The following RAPGEF5 variants were observed in gnomAD, a reference collection of about 807,000 sequenced individuals.
RAPGEF5 encodes M-Ras-regulated GEF.
In RAPGEF5, 65 loss-of-function variants were observed where a neutral mutation model predicts 125.2. The observed-to-expected ratio is 0.52, with a 90% confidence interval of 0.43 to 0.64. RAPGEF5 has a LOEUF of 0.64. Ranked by LOEUF, RAPGEF5 falls within the 30% of genes least tolerant of loss-of-function variation. The probability of loss-of-function intolerance (pLI) is 0.00; values close to 1 mark genes in which losing one functional copy is unlikely to be tolerated. For missense variants in RAPGEF5, 958 were observed against 1,048.1 expected (o/e 0.91, Z 1.19); for synonymous variants, 391 against 385.9 (o/e 1.01, Z -0.16).
rs1243060697 is a variant in RAPGEF5, at chr7:22,314,566, C to T, written c.389+804G>A. On this transcript the variant is annotated intron_variant, in intron 3 of 25. Transcript: ENST00000665637. ...AAAGGAATATCCTTTATTCTGAGAA[C>T]TTCCTACTTTTTGGGTGTCATGAAT... is the stretch of plus-strand genomic sequence containing the variant. 6 of 909,588 alleles carry T rather than the reference C, an allele frequency of 6.6e-6. No homozygotes were observed. The East Asian group carries it at 5.9e-4, about 90-fold the overall frequency. The allele number at this position is 909,588 out of a possible 1,614,324, so 56.3% of individuals were successfully genotyped here.
chr7:22,327,355 C>G lies in RAPGEF5; in HGVS notation c.232-9318G>C, dbSNP rs375625985. Among the ~76,000 whole-genome samples, 7 of 152,246 alleles carry G rather than the reference C, an allele frequency of 4.6e-5. 1 individual carries two copies. In the East Asian group the frequency reaches 1.2e-3, roughly 25 times the overall value. ...GATTCTTATTTACATTTGAATTTCCCCTGATTCATTACATGAATCTTAAAG... is the reference window on the plus strand; with the variant it reads ...GATTCTTATTTACATTTGAATTTCCGCTGATTCATTACATGAATCTTAAAG... On this transcript the variant is annotated intron_variant, in intron 1 of 25. Coordinates refer to ENST00000665637, the MANE Select transcript of RAPGEF5 (RefSeq NM_012294.5).
At chr7:22,271,626 C>T (rs980551009) in intron 6 of RAPGEF5, among the ~76,000 whole-genome samples, 6 of 152,180 alleles carry the variant, frequency 3.9e-5, no homozygotes, top group African/African-American at 1.4e-4. Flanking sequence ...TTGCAGCTGA[C>T]AGTTATATTT....
chr7:22,341,678 T>C (rs1475676761), intron 1 of RAPGEF5, among the ~76,000 whole-genome samples: 1 of 152,208 alleles, frequency 6.6e-6, no homozygotes. Context: ...CTACAGGCCC[T>C]GTATCAGTCC....
chr7:22,173,833 T>C (rs1784423975), intron 11 of RAPGEF5, among the ~76,000 whole-genome samples: 1 of 55,010 alleles, frequency 1.8e-5, no homozygotes, highest in Non-Finnish European at 3.4e-5. Context: ...AGCGGCCTCA[T>C]AGCTCCTGTT....
chr7:22,348,092 C>T (rs772916769), intron 1 of RAPGEF5, among the ~76,000 whole-genome samples: 1 of 152,156 alleles, frequency 6.6e-6, no homozygotes, highest in South Asian at 2.1e-4. Flanking sequence ...TAGAGAAGCA[C>T]TTTCTAACCA....
At chr7:22,312,150 G>C (rs142708821) in intron 3 of RAPGEF5, among the ~76,000 whole-genome samples, 2 of 152,012 alleles carry the variant, frequency 1.3e-5, no homozygotes, top group East Asian at 3.9e-4. Flanking sequence ...TCACCTGGGT[G>C]ATCTTCTTAA....
chr7:22,284,888 A>T (rs571305499), intron 6 of RAPGEF5, among the ~76,000 whole-genome samples: 1 of 152,332 alleles, frequency 6.6e-6, no homozygotes, highest in East Asian at 1.9e-4. Flanking sequence ...TCATCACTCA[A>T]TTGTGCTTAT....
intron 8 of RAPGEF5, among the ~76,000 whole-genome samples, chr7:22,223,412 C>T (rs17146451): frequency 0.022 from 3,399 of 152,270 alleles, 133 homozygotes; most frequent in African/African-American, 0.077. Flanking sequence ...GCTTTATTAA[C>T]GTGAGTTCAA....
At chr7:22,197,870 T>C (rs1016858544) in intron 9 of RAPGEF5, among the ~76,000 whole-genome samples, 1 of 135,968 alleles carries the variant, frequency 7.4e-6, no homozygotes, top group Admixed American at 7.8e-5. Context: ...AGCAACACAT[T>C]AAATCTCTTT....
At chr7:22,203,903 G>A (rs1255326701) in intron 9 of RAPGEF5, among the ~76,000 whole-genome samples, 2 of 152,148 alleles carry the variant, frequency 1.3e-5, no homozygotes, top group Admixed American at 1.3e-4. Flanking sequence ...ATCTAAATTA[G>A]ATCCTTAAGC....
At chr7:22,172,412 C>A (rs1022119755) in intron 11 of RAPGEF5, among the ~76,000 whole-genome samples, 2 of 152,130 alleles carry the variant, frequency 1.3e-5, no homozygotes, top group Non-Finnish European at 2.9e-5. Flanking sequence ...GTATAAGCCA[C>A]CGTGCCCGGC....
rs1782893776 is a variant in RAPGEF5 at position 22,130,862 on chromosome 7, G to T, written c.2481+175C>A. 1.7e-5 allele frequency: 14 copies of T among 802,088 alleles called. No homozygotes were observed. In the South Asian group the frequency reaches 2.4e-4, roughly 13 times the overall value. 49.7% of individuals were successfully genotyped at this position (802,088 alleles called of 1,614,324 possible). A position where few individuals can be genotyped will look rare whatever the true frequency, so the allele number is the denominator to read the frequency against. On this transcript the variant is annotated intron_variant, in intron 24 of 25. Coordinates refer to ENST00000665637, the MANE Select transcript of RAPGEF5 (RefSeq NM_012294.5). ...CTTGTTGTTAATTGGAATACATTTT[G>T]TTGGCAGCGTACAACATGCAGCAAA...
intron 8 of RAPGEF5, among the ~76,000 whole-genome samples, chr7:22,229,379 A>G (rs946647363): frequency 1.3e-5 from 2 of 152,196 alleles, no homozygotes; most frequent in African/African-American, 4.8e-5. Flanking sequence ...CCACGGTAAC[A>G]TATTTCATCA....
At chr7:22,185,134 A>T (rs1430192245) in intron 11 of RAPGEF5, among the ~76,000 whole-genome samples, 1 of 152,178 alleles carries the variant, frequency 6.6e-6, no homozygotes, top group Non-Finnish European at 1.5e-5. Flanking sequence ...CCATGATTCC[A>T]GTCTCTAGCA....
At chr7:22,328,409 C>A (rs915417982) in intron 1 of RAPGEF5, among the ~76,000 whole-genome samples, 2 of 152,206 alleles carry the variant, frequency 1.3e-5, no homozygotes, top group African/African-American at 2.4e-5. Flanking sequence ...TTCTTGGGAC[C>A]AGAGTCCTTT....
At chr7:22,302,533 C>T (rs1783232741) in intron 5 of RAPGEF5, among the ~76,000 whole-genome samples, 3 of 152,154 alleles carry the variant, frequency 2.0e-5, no homozygotes, top group African/African-American at 7.2e-5. Context: ...TGCCTATCCA[C>T]TCGCAAGACC....
chr7:22,145,579 G>T (rs1783408947), intron 19 of RAPGEF5, among the ~76,000 whole-genome samples: 2 of 152,182 alleles, frequency 1.3e-5, no homozygotes, highest in Non-Finnish European at 2.9e-5. Context: ...AGTAGTACTA[G>T]TATTTGTTAA....
chr7:22,180,139 G>T (rs1328465923), intron 11 of RAPGEF5, among the ~76,000 whole-genome samples: 1 of 152,178 alleles, frequency 6.6e-6, no homozygotes, highest in East Asian at 1.9e-4. Flanking sequence ...AACATAGTAT[G>T]TCCATATTTC....
chr7:22,234,409 C>A (rs1157389909), intron 7 of RAPGEF5, among the ~76,000 whole-genome samples: 1 of 152,094 alleles, frequency 6.6e-6, no homozygotes, highest in Non-Finnish European at 1.5e-5. Context: ...CAGCGAAACA[C>A]GTACACAGGA....
Sources: gnomAD v4.1 joint callset for allele counts (sites outside exome capture counted in the v4.1 genomes callset) on GRCh38, gnomAD v4.1.1 for gene constraint, MANE v1.5 for transcripts, NCBI Gene and HGNC (gene_info 2026-07-23, HGNC 2026-07-21) for gene names.